Variants in XPR1 observed in about 807,000 individuals in gnomAD.
XPR1 encodes solute carrier family 53 member 1.
In XPR1, 28 loss-of-function variants were observed where a neutral mutation model predicts 87.5. That is an observed-to-expected ratio of 0.32 (90% confidence interval 0.24 to 0.44). The LOEUF (loss-of-function observed/expected upper bound fraction) is 0.44, where lower values mean the gene tolerates loss of function less well. Among genes scored for constraint, XPR1 ranks in the 20% least tolerant of loss-of-function variants. The pLI, the probability that XPR1 is intolerant of heterozygous loss-of-function variation, is 1.00. For synonymous variants in XPR1, 300 were observed against 306.1 expected (o/e 0.98, Z 0.21); for missense variants, 559 against 862.3 (o/e 0.65, Z 4.41).
intron 2 of XPR1, among the ~76,000 whole-genome samples, chr1:180,726,568 G>T (rs933084220): frequency 6.6e-6 from 1 of 152,196 alleles, no homozygotes; most frequent in Non-Finnish European, 1.5e-5. Flanking sequence ...CCCTCTTGGG[G>T]TCCCTGAGAC....
At chr1:180,810,046 A>G (rs900779659) in intron 6 of XPR1, among the ~76,000 whole-genome samples, 18 of 152,182 alleles carry the variant, frequency 1.2e-4, no homozygotes, top group Non-Finnish European at 2.9e-5. Context: ...AAAAAATTTT[A>G]TAACATTCAC....
At chr1:180,752,223 A>G (rs1485637358) in intron 2 of XPR1, among the ~76,000 whole-genome samples, 1 of 152,212 alleles carries the variant, frequency 6.6e-6, no homozygotes, top group Non-Finnish European at 1.5e-5. Context: ...GGCTATAAAA[A>G]CAGAAGAAAT....
intron 7 of XPR1, among the ~76,000 whole-genome samples, 198 bp from the exon 8 acceptor site, chr1:180,824,555 T>G (rs1424271170): frequency 2.0e-5 from 3 of 152,066 alleles, no homozygotes; most frequent in Non-Finnish European, 4.4e-5. Flanking sequence ...CACTCCAGCC[T>G]GGCAACAGGG....
At chr1:180,736,219 T>C (rs539334730) in intron 2 of XPR1, among the ~76,000 whole-genome samples, 10 of 152,282 alleles carry the variant, frequency 6.6e-5, no homozygotes, top group African/African-American at 2.4e-4. Context: ...GGGAAGTTTT[T>C]CAAGCTGAGG....
intron 2 of XPR1, among the ~76,000 whole-genome samples, chr1:180,685,328 G>A (rs1380418258): frequency 6.6e-6 from 1 of 152,202 alleles, no homozygotes; most frequent in African/African-American, 2.4e-5. Flanking sequence ...GCATCCCAGG[G>A]TTGAAGCCCA....
intron 4 of XPR1, among the ~76,000 whole-genome samples, chr1:180,804,071 C>T (rs182288211): frequency 6.6e-5 from 10 of 152,068 alleles, no homozygotes; most frequent in Admixed American, 3.3e-4. Flanking sequence ...CTGCAACCTC[C>T]GCCTCCTGGG....
chr1:180,753,357 A>C (rs1441873128), intron 2 of XPR1, among the ~76,000 whole-genome samples: 2 of 152,030 alleles, frequency 1.3e-5, no homozygotes, highest in African/African-American at 4.8e-5. Flanking sequence ...TTGAACTCGG[A>C]AGTTCAAGAC....
At chr1:180,763,993 G>A (rs984687463) in intron 2 of XPR1, among the ~76,000 whole-genome samples, 12 of 152,192 alleles carry the variant, frequency 7.9e-5, no homozygotes, top group African/African-American at 1.4e-4. Context: ...TGTTTTTACC[G>A]TGAATGCATT....
intron 2 of XPR1, among the ~76,000 whole-genome samples, chr1:180,689,520 T>C (rs1321428266): frequency 4.6e-5 from 7 of 152,172 alleles, no homozygotes; most frequent in African/African-American, 7.2e-5. Context: ...GGAAGGTTTA[T>C]AGAATAAGAT....
rs1318570594 is a variant in XPR1 at position 180,682,398 on chromosome 1, A to T, written c.108A>T (p.Ala36=). 2 of 1,601,352 alleles carry T rather than the reference A, an allele frequency of 1.2e-6. No individual in the cohort carries two copies. The highest frequency in any genetic ancestry group is 3.4e-5 in the Admixed American group (2 of 58,326). ...TGCTGTATTCAGCTCAGGACCAGGC[A>T]CCTTCTGTGGAAGGTAAGATGAATT... The part of the protein sequence containing the change: ...KDMLYSAQDQ[A]PSVEVTDEDT... The change falls in exon 2 of 15, where the codon GCA becomes GCT. Residue 36 remains alanine (A), a synonymous_variant. Coordinates refer to ENST00000367590, the MANE Select transcript of XPR1 (RefSeq NM_004736.4).
At chr1:180,673,800 G>T (rs182451618) in intron 1 of XPR1, among the ~76,000 whole-genome samples, 192 of 152,330 alleles carry the variant, frequency 1.3e-3, no homozygotes, top group African/African-American at 4.4e-3. Context: ...GAGCCAAAAG[G>T]GTTGGGGACC....
intron 1 of XPR1, among the ~76,000 whole-genome samples, chr1:180,647,119 C>T (rs946325441): frequency 2.6e-5 from 4 of 152,200 alleles, no homozygotes; most frequent in African/African-American, 9.7e-5. Context: ...CTAGATCCCT[C>T]GCATGCGCAG....
chr1:180,751,300 T>G (rs1354261729), intron 2 of XPR1, among the ~76,000 whole-genome samples: 2 of 152,038 alleles, frequency 1.3e-5, no homozygotes, highest in East Asian at 3.8e-4. Flanking sequence ...TTTTGTCTAA[T>G]CATTAACAAC....
chr1:180,739,583 G>A (rs1658851799), intron 2 of XPR1, among the ~76,000 whole-genome samples: 1 of 151,996 alleles, frequency 6.6e-6, no homozygotes, highest in African/African-American at 2.4e-5. Flanking sequence ...CTCCATTTAG[G>A]TCTTCTTTGA....
At chr1:180,786,165 A>C (rs1193254906) in intron 2 of XPR1, among the ~76,000 whole-genome samples, 7 of 152,264 alleles carry the variant, frequency 4.6e-5, no homozygotes, top group African/African-American at 1.7e-4. Context: ...GGTATGTGTA[A>C]ATAAAAGTTT....
At chr1:180,761,834 C>T (rs576423918) in intron 2 of XPR1, among the ~76,000 whole-genome samples, 45 of 152,126 alleles carry the variant, frequency 3.0e-4, no homozygotes, top group Admixed American at 2.6e-3. Flanking sequence ...ATGTTTATAG[C>T]GGCACTATTC....
intron 6 of XPR1, among the ~76,000 whole-genome samples, chr1:180,809,386 A>G (rs1175345598): frequency 2.6e-5 from 4 of 152,312 alleles, no homozygotes; most frequent in African/African-American, 7.2e-5. Context: ...AAACTTATCA[A>G]ATCGTACACC....
At chr1:180,785,005 G>GTT (rs1164924612) in intron 2 of XPR1, among the ~76,000 whole-genome samples, 2 of 111,300 alleles carry the variant, frequency 1.8e-5, no homozygotes, top group East Asian at 2.8e-4. Flanking sequence ...TTTCGTGTGT[G>GTT]TGTGTTTGTG....
intron 2 of XPR1, 69 bp downstream of exon 2, chr1:180,682,480 A>G: frequency 7.6e-7 from 1 of 1,318,280 alleles, no homozygotes; most frequent in Non-Finnish European, 1.1e-6. Flanking sequence ...TTTGTACTGC[A>G]GAGTATAAAA....
Sources: gnomAD v4.1 joint callset for allele counts (sites outside exome capture counted in the v4.1 genomes callset) on GRCh38, gnomAD v4.1.1 for gene constraint, MANE v1.5 for transcripts, NCBI Gene and HGNC (gene_info 2026-07-23, HGNC 2026-07-21) for gene names.